Variants in IL33 observed in about 807,000 individuals in gnomAD.
The protein encoded by IL33 is interleukin 33.
A neutral mutation model predicts 27.3 loss-of-function variants in IL33; 37 were observed. The observed-to-expected ratio is 1.36, with a 90% confidence interval of 1.04 to 1.78. IL33 has a LOEUF of 1.78. Ranked by LOEUF, IL33 falls within the 40% of genes most tolerant of loss-of-function variation. IL33 has a pLI of 0.00. For synonymous variants in IL33, 132 were observed against 102.9 expected, an observed-to-expected ratio of 1.28 and a Z score of -1.71; for missense variants, 406 against 311.4, an observed-to-expected ratio of 1.30 and a Z score of -2.29.
At chr9:6,245,222 G>A (rs563416391) in intron 2 of IL33, among the ~76,000 whole-genome samples, 59 of 152,218 alleles carry the variant, frequency 3.9e-4, no homozygotes, top group African/African-American at 1.4e-3. Context: ...GGATTGAACG[G>A]TGTTATTGAT....
intron 1 of IL33, among the ~76,000 whole-genome samples, chr9:6,217,874 A>C (rs1419873026): frequency 1.3e-5 from 2 of 151,868 alleles, no homozygotes; most frequent in African/African-American, 4.8e-5. Flanking sequence ...TGTCTAGGGC[A>C]AAGACCCGTA....
intron 2 of IL33, among the ~76,000 whole-genome samples, chr9:6,245,954 T>C (rs1819816134): frequency 1.3e-5 from 2 of 148,370 alleles, no homozygotes; most frequent in Non-Finnish European, 3.0e-5. Flanking sequence ...TCCCAGCCAC[T>C]TGGGAGGCTG....
intron 2 of IL33, among the ~76,000 whole-genome samples, chr9:6,243,397 C>T (rs1261944176): frequency 6.6e-6 from 1 of 152,148 alleles, no homozygotes; most frequent in Non-Finnish European, 1.5e-5. Context: ...CTTTGTCTCC[C>T]AGGCTGAAGT....
At chr9:6,253,431 G>T in intron 5 of IL33, 121 bp from the exon 6 acceptor site, 1 of 626,608 alleles carries the variant, frequency 1.6e-6, no homozygotes, top group Admixed American at 3.1e-5. Context: ...AACCACAAAA[G>T]ATTTGTTTTT....
At chr9:6,252,077 AC>A (rs1564073315) in intron 4 of IL33, among the ~76,000 whole-genome samples, 12,428 of 133,998 alleles carry the variant, frequency 0.093, 2,075 homozygotes, top group African/African-American at 0.11. Context: ...CCAACAAAAA[AC>A]AAAACAAAAC....
chr9:6,227,937 A>C (rs1818720573), intron 1 of IL33, among the ~76,000 whole-genome samples: 1 of 152,158 alleles, frequency 6.6e-6, no homozygotes, highest in African/African-American at 2.4e-5. Flanking sequence ...CCTTTCCTGA[A>C]GTACCTCATG....
chr9:6,250,185 C>A (rs1816264054), intron 2 of IL33, among the ~76,000 whole-genome samples: 1 of 152,088 alleles, frequency 6.6e-6, no homozygotes, highest in African/African-American at 2.4e-5. Flanking sequence ...AACATAAGGT[C>A]TTTATTTCAC....
At chr9:6,247,017 G>T (rs954062680) in intron 2 of IL33, among the ~76,000 whole-genome samples, 1 of 152,186 alleles carries the variant, frequency 6.6e-6, no homozygotes, top group Non-Finnish European at 1.5e-5. Flanking sequence ...CTTCAAAGTA[G>T]CTGGGTCAAA....
Position 6,256,468 on chromosome 9 carries a change from C to T in IL33, c.*300C>T, listed in dbSNP as rs1461597257. On this transcript the variant is annotated 3_prime_UTR_variant, in exon 8 of 8. Transcript: ENST00000682010. ...CCTTTACTTTTCTCTAGTTTCAGTC[C>T]AGAAAGAACTTCATATTTAGAGCTA... 3 of 432,378 alleles carry T rather than the reference C, an allele frequency of 6.9e-6. No homozygotes were observed. The Admixed American group carries it at 1.2e-4, about 17-fold the overall frequency. 26.8% of individuals were successfully genotyped at this position (432,378 alleles called of 1,614,324 possible). A position where few individuals can be genotyped will look rare whatever the true frequency, so the allele number is the denominator to read the frequency against.
intron 2 of IL33, among the ~76,000 whole-genome samples, chr9:6,248,852 T>C (rs1435666431): frequency 2.0e-5 from 3 of 152,144 alleles, no homozygotes; most frequent in Admixed American, 2.0e-4. Context: ...GTGCTGGGAT[T>C]ACAGGTGTGA....
At chr9:6,221,831 A>T (rs978374882) in intron 1 of IL33, among the ~76,000 whole-genome samples, 1 of 152,238 alleles carries the variant, frequency 6.6e-6, no homozygotes. Flanking sequence ...AGAAGAAGTC[A>T]TATCTGTCCA....
chr9:6,235,343 C>T (rs10815390), intron 1 of IL33, among the ~76,000 whole-genome samples: 94,482 of 152,042 alleles, frequency 0.62, 30,506 homozygotes, highest in Middle Eastern at 0.73. Flanking sequence ...CACACCCAGC[C>T]CTGACTTATT....
At chr9:6,225,120 C>T (rs982786387) in intron 1 of IL33, among the ~76,000 whole-genome samples, 4 of 152,160 alleles carry the variant, frequency 2.6e-5, no homozygotes, top group Non-Finnish European at 5.9e-5. Flanking sequence ...TCACACTACC[C>T]TCACACTGTG....
chr9:6,238,279 A>G (rs1175739236), intron 1 of IL33, among the ~76,000 whole-genome samples: 1 of 152,192 alleles, frequency 6.6e-6, no homozygotes, highest in Non-Finnish European at 1.5e-5. Context: ...CAGTAAAATG[A>G]TATGTAAGAT....
At chr9:6,253,665 C>G in intron 6 of IL33, 63 bp downstream of exon 6, 3 of 1,298,044 alleles carry the variant, frequency 2.3e-6, no homozygotes, top group Non-Finnish European at 3.3e-6. Context: ...AAGATAAATC[C>G]AAAAAAATCC....
At chr9:6,248,293 G>A (rs1170122932) in intron 2 of IL33, among the ~76,000 whole-genome samples, 2 of 135,424 alleles carry the variant, frequency 1.5e-5, no homozygotes, top group African/African-American at 5.6e-5. Flanking sequence ...TCGCCAGACT[G>A]GAGTGCAGTG....
intron 2 of IL33, among the ~76,000 whole-genome samples, chr9:6,248,423 C>G (rs1322701480): frequency 4.0e-5 from 6 of 151,868 alleles, no homozygotes; most frequent in Non-Finnish European, 7.4e-5. Flanking sequence ...GTTTGGTTAT[C>G]AAGAGACTGG....
At chr9:6,247,758 CTCACACTTTCAGCTTCCCA>C (rs1349106481) in intron 2 of IL33, among the ~76,000 whole-genome samples, 1 of 152,054 alleles carries the variant, frequency 6.6e-6, no homozygotes, top group Non-Finnish European at 1.5e-5. Flanking sequence ...GAACACAACC[CTCACACTTTCAGCTTCCCA>C]AAACACCAAA....
chr9:6,251,005 C>G, intron 3 of IL33, 135 bp from the exon 4 acceptor site: 2 of 1,141,104 alleles, frequency 1.8e-6, no homozygotes, highest in South Asian at 3.2e-5. Context: ...GTATCAATCC[C>G]TTTGGACCAT....
Sources: gnomAD v4.1 joint callset for allele counts (sites outside exome capture counted in the v4.1 genomes callset) on GRCh38, gnomAD v4.1.1 for gene constraint, MANE v1.5 for transcripts, NCBI Gene and HGNC (gene_info 2026-07-23, HGNC 2026-07-21) for gene names.